PARP8: variants seen among roughly 807,000 people sequenced by gnomAD.
The protein encoded by PARP8 is poly(ADP-ribose) polymerase family member 8, also known as protein mono-ADP-ribosyltransferase PARP8.
In PARP8, 51 loss-of-function variants were observed where a neutral mutation model predicts 124.1. The ratio of observed to expected loss-of-function variants is 0.41; its 90% CI spans 0.33 to 0.52. The LOEUF (loss-of-function observed/expected upper bound fraction) is 0.52, where lower values mean the gene tolerates loss of function less well. Among genes scored for constraint, PARP8 ranks in the 20% least tolerant of loss-of-function variants. The pLI is 0.21. For synonymous variants in PARP8, 391 were observed against 361.5 expected (o/e 1.08, Z -0.93); for missense variants, 860 against 1,018.9 (o/e 0.84, Z 2.12).
intron 16 of PARP8, 134 bp downstream of exon 16, chr5:50,821,472 T>C (rs1745762470): frequency 1.0e-6 from 1 of 991,856 alleles, no homozygotes; most frequent in Non-Finnish European, 1.5e-6. Context: ...GAGTATTTAA[T>C]TTCATCATAT....
intron 2 of PARP8, among the ~76,000 whole-genome samples, chr5:50,730,393 T>C (rs1254991179): frequency 6.6e-6 from 1 of 152,150 alleles, no homozygotes; most frequent in Non-Finnish European, 1.5e-5. Context: ...AACCATGTCC[T>C]TCTTCACATG....
intron 7 of PARP8, among the ~76,000 whole-genome samples, chr5:50,767,193 G>A (rs1399028553): frequency 6.6e-6 from 1 of 152,136 alleles, no homozygotes; most frequent in Non-Finnish European, 1.5e-5. Flanking sequence ...TAAGGTAGGA[G>A]TGAGATAGAA....
At chr5:50,798,755 T>C (rs1742854637) in intron 14 of PARP8, among the ~76,000 whole-genome samples, 1 of 152,164 alleles carries the variant, frequency 6.6e-6, no homozygotes, top group Non-Finnish European at 1.5e-5. Context: ...CAGTTTCTTA[T>C]TGTGGTTTTC....
At chr5:50,711,463 T>C (rs1252397367) in intron 2 of PARP8, among the ~76,000 whole-genome samples, 1 of 152,150 alleles carries the variant, frequency 6.6e-6, no homozygotes, top group Non-Finnish European at 1.5e-5. Context: ...GTGAGGAGTT[T>C]GCTCTGTGGC....
At chr5:50,826,662 G>A in intron 18 of PARP8, 93 bp from the exon 19 acceptor site, 3 of 1,441,462 alleles carry the variant, frequency 2.1e-6, no homozygotes, top group South Asian at 2.9e-5. Flanking sequence ...TTATGGCACA[G>A]CAAAAATAAG....
intron 9 of PARP8, among the ~76,000 whole-genome samples, chr5:50,786,214 GT>G (rs932874458): frequency 6.6e-6 from 1 of 151,826 alleles, no homozygotes; most frequent in African/African-American, 2.4e-5. Context: ...CTCAAGTCAG[GT>G]TTTGGTCCCA....
intron 2 of PARP8, among the ~76,000 whole-genome samples, chr5:50,704,335 C>G (rs1753907789): frequency 6.6e-6 from 1 of 152,126 alleles, no homozygotes; most frequent in Non-Finnish European, 1.5e-5. Context: ...TATCTTCTGT[C>G]AGGACATAAT....
chr5:50,687,673 G>A (rs141758286), intron 2 of PARP8, among the ~76,000 whole-genome samples: 188 of 152,294 alleles, frequency 1.2e-3, no homozygotes, highest in African/African-American at 4.4e-3. Context: ...CATGGCAGAA[G>A]GCAAGGAGGA....
intron 3 of PARP8, among the ~76,000 whole-genome samples, chr5:50,756,636 A>T (rs1213170991): frequency 1.3e-5 from 2 of 152,120 alleles, no homozygotes; most frequent in East Asian, 3.9e-4. Flanking sequence ...TAAAATATTT[A>T]ATTGTCAAAT....
intron 9 of PARP8, 132 bp from the exon 10 acceptor site, chr5:50,788,391 G>T: frequency 1.5e-6 from 1 of 674,180 alleles, no homozygotes; most frequent in South Asian, 1.9e-5. Context: ...CATTGTTTAG[G>T]ACTGCATGTA....
chr5:50,736,269 A>G (rs1197896942), intron 2 of PARP8, among the ~76,000 whole-genome samples: 1 of 152,168 alleles, frequency 6.6e-6, no homozygotes, highest in Non-Finnish European at 1.5e-5. Flanking sequence ...GCATTTGAGT[A>G]TGCATTGTTC....
At position 50,797,159 on chromosome 5, in the gene PARP8, C is replaced by T. The variant is rs1284053144; in HGVS notation, c.1501C>T (p.Arg501Trp). The T allele has an allele frequency of 7.4e-6, 12 of 1,613,006 alleles. No homozygotes were observed. Among genetic ancestry groups the T allele is most frequent in the Non-Finnish European group, 1.0e-5 (12 of 1,179,366 alleles). The change falls in exon 14 of 26, where the codon CGG becomes TGG. Residue 501 changes from arginine to tryptophan, a missense_variant. Physicochemically the swap from Arg to Trp is moderately radical, Grantham distance 101. Transcript: ENST00000281631. ...TCAGACAATTGAGTTTGCTGAACAG[C>T]GGATCCCTGTATTAAATGAATATTG... is the stretch of plus-strand genomic sequence containing the variant. ...LVQTIEFAEQ[R>W]IPVLNEYCVV...
At chr5:50,756,714 C>T (rs1009421665) in intron 3 of PARP8, among the ~76,000 whole-genome samples, 2 of 151,984 alleles carry the variant, frequency 1.3e-5, no homozygotes, top group Non-Finnish European at 2.9e-5. Context: ...TAGTAATTAC[C>T]ACGATCAAAT....
intron 2 of PARP8, among the ~76,000 whole-genome samples, chr5:50,709,106 A>G (rs533961158): frequency 2.0e-5 from 3 of 151,982 alleles, no homozygotes; most frequent in Admixed American, 6.6e-5. Flanking sequence ...TCTTGTATTT[A>G]TATCTTTGAT....
At chr5:50,835,075 A>G in intron 25 of PARP8, 60 bp downstream of exon 25, 1 of 1,431,020 alleles carries the variant, frequency 7.0e-7, no homozygotes, top group South Asian at 1.2e-5. Flanking sequence ...GTTAGTGGTG[A>G]CTGAATTATC....
At chr5:50,676,112 T>C (rs1476891499) in intron 2 of PARP8, among the ~76,000 whole-genome samples, 1 of 152,248 alleles carries the variant, frequency 6.6e-6, no homozygotes, top group African/African-American at 2.4e-5. Context: ...ATCCAAGATG[T>C]GAGTGAAGTA....
chr5:50,766,666 CTG>C (rs201379236), intron 7 of PARP8, among the ~76,000 whole-genome samples: 6,424 of 152,098 alleles, frequency 0.042, 433 homozygotes, highest in African/African-American at 0.15. Flanking sequence ...AAAATTGTGA[CTG>C]TTCTATTGTG....
chr5:50,756,213 A>G (rs1441251265), intron 3 of PARP8, among the ~76,000 whole-genome samples: 1 of 151,950 alleles, frequency 6.6e-6, no homozygotes, highest in East Asian at 1.9e-4. Context: ...AACTTCCAAC[A>G]CTATGTTGAA....
rs559043695 is a variant in PARP8, at chr5:50,706,986, CAA to C, written c.146+38862_146+38863del. ...TATCTTGCTTATGGAAATCATTACT[CAA>C]GAGTTTCACAATTTACACAAAAATC... is the stretch of plus-strand genomic sequence containing the variant. On this transcript the variant is annotated intron_variant, in intron 2 of 25. Coordinates refer to ENST00000281631, the MANE Select transcript of PARP8 (RefSeq NM_024615.4). Among the ~76,000 whole-genome samples the C allele has an allele frequency of 2.5e-3, 380 of 152,084 alleles. 3 individuals are homozygous for C. The highest frequency in any genetic ancestry group is 4.2e-3 in the Non-Finnish European group (285 of 67,894).
Sources: gnomAD v4.1 joint callset for allele counts (sites outside exome capture counted in the v4.1 genomes callset) on GRCh38, gnomAD v4.1.1 for gene constraint, MANE v1.5 for transcripts, NCBI Gene and HGNC (gene_info 2026-07-23, HGNC 2026-07-21) for gene names.